The following TDRD3 variants were observed in gnomAD, a reference collection of about 807,000 sequenced individuals.
TDRD3 encodes tudor domain-containing protein 3.
A neutral mutation model predicts 86.7 loss-of-function variants in TDRD3; 45 were observed. The ratio of observed to expected loss-of-function variants is 0.52; its 90% CI spans 0.41 to 0.67. The LOEUF (loss-of-function observed/expected upper bound fraction) is 0.67, where lower values mean the gene tolerates loss of function less well. Ranked by LOEUF, TDRD3 falls within the 30% of genes least tolerant of loss-of-function variation. The pLI, the probability that TDRD3 is intolerant of heterozygous loss-of-function variation, is 0.00. For synonymous variants in TDRD3, 298 were observed against 301.7 expected, an observed-to-expected ratio of 0.99 and a Z score of 0.13; for missense variants, 814 against 889.0, an observed-to-expected ratio of 0.92 and a Z score of 1.07.
In TDRD3 at chr13:60,557,820, ATTTTT is replaced by A. The variant is rs749028045; in HGVS notation, c.2119-9687_2119-9683del. Among the ~76,000 whole-genome samples the A allele has an allele frequency of 3.6e-3, 315 of 88,250 alleles. 3 individuals carry two copies. The highest frequency in any genetic ancestry group is 0.027 in the South Asian group (52 of 1,922). The allele number at this position is 88,250 out of a possible 152,430, so 57.9% of individuals were successfully genotyped here. On this transcript the variant is annotated intron_variant, in intron 12 of 13. Coordinates refer to ENST00000377881, the MANE Select transcript of TDRD3 (RefSeq NM_001146070.2). ...GGCATAAAGGATTTTTTTTTTCCTG[ATTTTT>A]TTTTTTTTTTTTTTTTTGAGACAGA...
intron 7 of TDRD3, among the ~76,000 whole-genome samples, chr13:60,486,312 A>G (rs1956434263): frequency 6.6e-6 from 1 of 152,140 alleles, no homozygotes; most frequent in Admixed American, 6.5e-5. Context: ...ATTTCCCCTT[A>G]TTAATAGCAA....
chr13:60,426,022 G>C (rs1403761060), intron 1 of TDRD3, among the ~76,000 whole-genome samples: 1 of 152,100 alleles, frequency 6.6e-6, no homozygotes, highest in African/African-American at 2.4e-5. Flanking sequence ...ATTTTCAACT[G>C]TGCAGGGGTT....
At chr13:60,559,239 C>T (rs73208102) in intron 12 of TDRD3, among the ~76,000 whole-genome samples, 2,499 of 152,088 alleles carry the variant, frequency 0.016, 30 homozygotes, top group Middle Eastern at 0.054. Context: ...TATGAGAAAA[C>T]GAAGATGTAG....
At chr13:60,514,980 A>G (rs892570284) in intron 10 of TDRD3, among the ~76,000 whole-genome samples, 3 of 152,228 alleles carry the variant, frequency 2.0e-5, no homozygotes, top group Non-Finnish European at 4.4e-5. Context: ...CAGAAAACAC[A>G]GGGAAGTAGA....
chr13:60,500,081 G>T (rs1443370812), intron 8 of TDRD3, among the ~76,000 whole-genome samples: 1 of 152,186 alleles, frequency 6.6e-6, no homozygotes, highest in Non-Finnish European at 1.5e-5. Flanking sequence ...CTAGGATTTT[G>T]GAGCAAGGCC....
chr13:60,479,432 G>A (rs2137475030), intron 5 of TDRD3, among the ~76,000 whole-genome samples: 1 of 152,292 alleles, frequency 6.6e-6, no homozygotes, highest in East Asian at 1.9e-4. Context: ...GTCAATCTTA[G>A]ACTATGTTCT....
At chr13:60,573,078 C>G (rs565960864) in intron 13 of TDRD3, among the ~76,000 whole-genome samples, 1 of 151,874 alleles carries the variant, frequency 6.6e-6, no homozygotes, top group South Asian at 2.1e-4. Context: ...GCATACAAGT[C>G]TTCTCTCGCC....
At chr13:60,493,427 CA>C (rs1474906454) in intron 7 of TDRD3, among the ~76,000 whole-genome samples, 1 of 151,978 alleles carries the variant, frequency 6.6e-6, no homozygotes, top group Non-Finnish European at 1.5e-5. Flanking sequence ...TTTGGGAGGG[CA>C]AGGTGGATAG....
intron 1 of TDRD3, among the ~76,000 whole-genome samples, chr13:60,401,863 C>G (rs780571011): frequency 8.5e-5 from 13 of 152,170 alleles, no homozygotes; most frequent in Non-Finnish European, 1.9e-4. Flanking sequence ...CACCTTTGAA[C>G]AACTAAGAAA....
At chr13:60,495,551 C>A (rs961955061) in intron 8 of TDRD3, among the ~76,000 whole-genome samples, 1 of 151,966 alleles carries the variant, frequency 6.6e-6, no homozygotes. Context: ...GCAGCCTCTG[C>A]CTCCTGGGTT....
intron 1 of TDRD3, among the ~76,000 whole-genome samples, chr13:60,401,761 C>T (rs1423642307): frequency 1.3e-5 from 2 of 152,086 alleles, no homozygotes; most frequent in Non-Finnish European, 2.9e-5. Context: ...TTTCACTTTC[C>T]CCTTTGGGGT....
At chr13:60,416,992 G>A (rs1261915563) in intron 1 of TDRD3, among the ~76,000 whole-genome samples, 1 of 149,244 alleles carries the variant, frequency 6.7e-6, no homozygotes, top group Non-Finnish European at 1.5e-5. Context: ...TTGTTCTTCT[G>A]ACTTTAACTG....
intron 1 of TDRD3, among the ~76,000 whole-genome samples, chr13:60,412,330 T>G (rs1954387152): frequency 1.3e-5 from 2 of 152,224 alleles, no homozygotes; most frequent in Non-Finnish European, 2.9e-5. Context: ...TCTATTTTTT[T>G]GGCCTTTGAT....
intron 12 of TDRD3, among the ~76,000 whole-genome samples, chr13:60,558,161 G>A (rs775036522): frequency 1.6e-4 from 24 of 152,080 alleles, no homozygotes; most frequent in African/African-American, 5.6e-4. Flanking sequence ...ATAGGTGTCC[G>A]TGGCATACTG....
chr13:60,560,271 G>A (rs1256463316), intron 12 of TDRD3, among the ~76,000 whole-genome samples: 1 of 152,060 alleles, frequency 6.6e-6, no homozygotes, highest in East Asian at 1.9e-4. Flanking sequence ...AAGCCTTATT[G>A]TAAGGATTAA....
intron 1 of TDRD3, among the ~76,000 whole-genome samples, chr13:60,426,817 T>C (rs1954823435): frequency 6.6e-6 from 1 of 152,224 alleles, no homozygotes. Flanking sequence ...TCTAGAAATG[T>C]GTTCTCAAGC....
At chr13:60,492,988 G>A (rs1253656168) in intron 7 of TDRD3, among the ~76,000 whole-genome samples, 3 of 136,860 alleles carry the variant, frequency 2.2e-5, no homozygotes, top group Non-Finnish European at 3.0e-5. Flanking sequence ...GCGCGATCTC[G>A]GCTCACTGCA....
At chr13:60,557,624 A>G (rs944920903) in intron 12 of TDRD3, among the ~76,000 whole-genome samples, 2 of 151,874 alleles carry the variant, frequency 1.3e-5, no homozygotes, top group African/African-American at 2.4e-5. Flanking sequence ...TGTCATTTTT[A>G]TATTTCTTAA....
At chr13:60,484,203 G>T (rs1595000029) in intron 6 of TDRD3, among the ~76,000 whole-genome samples, 1 of 152,116 alleles carries the variant, frequency 6.6e-6, no homozygotes, top group Non-Finnish European at 1.5e-5. Flanking sequence ...TAGAGGGGGA[G>T]AGAAAAATAA....
Sources: gnomAD v4.1 joint callset for allele counts (sites outside exome capture counted in the v4.1 genomes callset) on GRCh38, gnomAD v4.1.1 for gene constraint, MANE v1.5 for transcripts, NCBI Gene and HGNC (gene_info 2026-07-23, HGNC 2026-07-21) for gene names.